The following XRRA1 variants were observed in gnomAD, a reference collection of about 807,000 sequenced individuals.
XRRA1 encodes the protein X-ray radiation resistance-associated protein 1.
Under a neutral mutation model 80.2 loss-of-function variants are expected in XRRA1, and 69 were observed. The observed-to-expected ratio is 0.86, with a 90% CI of 0.71 to 1.05. XRRA1 has a LOEUF of 1.05. XRRA1 is among the 50% of genes least tolerant of loss of function. The pLI is 0.00. For missense variants in XRRA1, 967 were observed against 976.4 expected, an observed-to-expected ratio of 0.99 and a Z score of 0.13; for synonymous variants, 348 against 389.9, an observed-to-expected ratio of 0.89 and a Z score of 1.27.
chr11:74,858,491 T>C (rs1372649584), intron 12 of XRRA1, among the ~76,000 whole-genome samples: 1 of 152,250 alleles, frequency 6.6e-6, no homozygotes, highest in African/African-American at 2.4e-5. Flanking sequence ...TGTAGAGGAA[T>C]GTAAGCAGAG....
At chr11:74,873,472 T>A (rs901577734) in intron 10 of XRRA1, among the ~76,000 whole-genome samples, 1 of 152,198 alleles carries the variant, frequency 6.6e-6, no homozygotes, top group African/African-American at 2.4e-5. Context: ...ATCCTGACTC[T>A]CAATACCTGT....
intron 8 of XRRA1, chr11:74,918,785 A>G (rs180863614): frequency 1.8e-4 from 27 of 152,390 alleles, no homozygotes; most frequent in Admixed American, 1.6e-3. Flanking sequence ...GGAAGGCCAG[A>G]GCCAGGGAGA....
intron 10 of XRRA1, among the ~76,000 whole-genome samples, chr11:74,899,253 G>C (rs577566827): frequency 6.6e-6 from 1 of 152,018 alleles, no homozygotes; most frequent in Non-Finnish European, 1.5e-5. Flanking sequence ...ATAAGATACA[G>C]CAAAAACAGT....
At chr11:74,867,915 A>ATATTT (rs1230282565) in intron 10 of XRRA1, among the ~76,000 whole-genome samples, 1 of 39,532 alleles carries the variant, frequency 2.5e-5, no homozygotes, top group Non-Finnish European at 5.1e-5. Flanking sequence ...CCTATAGTCA[A>ATATTT]TCTTTTTTTT....
intron 12 of XRRA1, among the ~76,000 whole-genome samples, chr11:74,852,302 C>T (rs564957530): frequency 6.6e-5 from 10 of 152,298 alleles, no homozygotes; most frequent in Admixed American, 5.9e-4. Context: ...TCTGAAATTC[C>T]ACCATCACTG....
chr11:74,927,029 C>A (rs1942399949), intron 7 of XRRA1, among the ~76,000 whole-genome samples: 1 of 152,240 alleles, frequency 6.6e-6, no homozygotes, highest in East Asian at 1.9e-4. Context: ...GCTCCTCAAT[C>A]CCCACTAGAT....
At chr11:74,869,429 C>A (rs924185334) in intron 10 of XRRA1, among the ~76,000 whole-genome samples, 3 of 152,166 alleles carry the variant, frequency 2.0e-5, no homozygotes, top group Admixed American at 6.5e-5. Context: ...TAACAAAGAG[C>A]AGCCTGAAAA....
rs1016580660 is a variant in XRRA1, at chr11:74,931,256, T to G, written c.352-884A>C. 7.9e-5 allele frequency among the ~76,000 whole-genome samples: 12 copies of G among 152,328 alleles called. 1 individual carries two copies. The South Asian group carries it at 8.3e-4, about 11-fold the overall frequency. On this transcript the variant is annotated intron_variant, in intron 5 of 18. Transcript: ENST00000684022. The stretch of plus-strand genomic sequence containing the variant: ...CTGCCTTTTCACTCAACACTGTTTT[T>G]GAGAATTACCTGTGTCGATATATGC...
intron 15 of XRRA1, among the ~76,000 whole-genome samples, chr11:74,846,888 T>C (rs988227915): frequency 1.3e-5 from 2 of 151,788 alleles, no homozygotes; most frequent in East Asian, 3.9e-4. Flanking sequence ...TTAAAGGTTA[T>C]AGCCAGGACA....
chr11:74,871,620 C>T (rs1187812285), intron 10 of XRRA1, among the ~76,000 whole-genome samples: 1 of 152,158 alleles, frequency 6.6e-6, no homozygotes, highest in Non-Finnish European at 1.5e-5. Flanking sequence ...CCGGCTCTTC[C>T]TGTCCCCCTT....
chr11:74,869,959 T>A (rs2044384197), intron 10 of XRRA1, among the ~76,000 whole-genome samples: 1 of 152,210 alleles, frequency 6.6e-6, no homozygotes. Context: ...ACCTCGGGTA[T>A]CACCCCCAAC....
intron 11 of XRRA1, among the ~76,000 whole-genome samples, chr11:74,861,983 G>A (rs958167738): frequency 4.6e-5 from 7 of 152,332 alleles, no homozygotes; most frequent in South Asian, 4.1e-4. Context: ...AGGGGTCAGC[G>A]TCAGAATAGT....
chr11:74,866,241 A>T lies in XRRA1; in HGVS notation c.1004-3220T>A, dbSNP rs988225145. ...AAAGAACATTTTTTTGGGTTTTTTTATTTTTTTTGTTTTGTTTTGTGCTTT... is the reference window on the plus strand; with the variant it reads ...AAAGAACATTTTTTTGGGTTTTTTTTTTTTTTTTGTTTTGTTTTGTGCTTT... On this transcript the variant is annotated intron_variant, in intron 10 of 18. Transcript: ENST00000684022. Among the ~76,000 whole-genome samples, 3 of 151,610 alleles carry T rather than the reference A, an allele frequency of 2.0e-5. 1 individual carries two copies. Among genetic ancestry groups the T allele is most frequent in the Non-Finnish European group, 4.4e-5 (3 of 67,896 alleles).
At position 74,843,311 on chromosome 11, in the gene XRRA1, C is replaced by T. The variant is rs779397174; in HGVS notation, c.2292G>A (p.Pro764=). 22 of 1,603,966 alleles carry T rather than the reference C, an allele frequency of 1.4e-5. No individual in the cohort carries two copies. Among genetic ancestry groups the T allele is most frequent in the Middle Eastern group, 1.6e-4 (1 of 6,074 alleles). Residue 764 remains proline (P), a synonymous_variant, in exon 19 of 19, where the codon CCG becomes CCA. Coordinates refer to ENST00000684022, the MANE Select transcript of XRRA1 (RefSeq NM_001378157.1). ...GSLRTVFGTT[P]LPMACPALSE... ...TCAGCGCTGGGCAGGCCATGGGGAGCGGGGTAGTCCCGAACACTGTGCGCA... is the reference window on the plus strand; with the variant it reads ...TCAGCGCTGGGCAGGCCATGGGGAGTGGGGTAGTCCCGAACACTGTGCGCA...
chr11:74,863,154 C>T (rs1412515768), intron 10 of XRRA1, 133 bp from the exon 11 acceptor site: 1 of 802,728 alleles, frequency 1.2e-6, no homozygotes, highest in Non-Finnish European at 2.1e-6. Flanking sequence ...GGTCCTCAGC[C>T]CCAGTGCTAA....
intron 13 of XRRA1, among the ~76,000 whole-genome samples, 173 bp downstream of exon 13, chr11:74,851,816 T>C (rs1194797046): frequency 1.3e-5 from 2 of 152,172 alleles, no homozygotes. Flanking sequence ...ACAGGGTTAC[T>C]GTCAGGAAGC....
At chr11:74,859,464 G>C (rs1284804290) in intron 11 of XRRA1, among the ~76,000 whole-genome samples, 181 bp from the exon 12 acceptor site, 1 of 152,122 alleles carries the variant, frequency 6.6e-6, no homozygotes. Flanking sequence ...CTGGCTCCAA[G>C]TTCTCTTAGG....
intron 10 of XRRA1, among the ~76,000 whole-genome samples, chr11:74,903,532 T>A (rs1193085413): frequency 1.3e-5 from 2 of 152,048 alleles, no homozygotes; most frequent in African/African-American, 4.8e-5. Context: ...TGAAACCCTG[T>A]CTCCACTAAA....
At chr11:74,925,869 C>T (rs889836741) in intron 7 of XRRA1, among the ~76,000 whole-genome samples, 1 of 152,168 alleles carries the variant, frequency 6.6e-6, no homozygotes, top group Non-Finnish European at 1.5e-5. Flanking sequence ...AGCTCAATGA[C>T]TACTCTCTGA....
Sources: gnomAD v4.1 joint callset for allele counts (sites outside exome capture counted in the v4.1 genomes callset) on GRCh38, gnomAD v4.1.1 for gene constraint, MANE v1.5 for transcripts, NCBI Gene and HGNC (gene_info 2026-07-23, HGNC 2026-07-21) for gene names.